The following KMT2C variants were observed in gnomAD, a reference collection of about 807,000 sequenced individuals.
KMT2C encodes the protein lysine methyltransferase 2C.
KMT2C carries 88 observed loss-of-function variants against 507.9 expected under a neutral mutation model. That is an observed-to-expected ratio of 0.17 (90% CI 0.15 to 0.21). The LOEUF (loss-of-function observed/expected upper bound fraction) is 0.21. KMT2C is among the 10% of genes least tolerant of loss of function. The probability of loss-of-function intolerance (pLI) is 1.00; values close to 1 mark genes in which losing one functional copy is unlikely to be tolerated. For missense variants in KMT2C, 4,954 were observed against 5,957.8 expected, an observed-to-expected ratio of 0.83 and a Z score of 5.55; for synonymous variants, 2,049 against 2,080.8, an observed-to-expected ratio of 0.98 and a Z score of 0.42.
chr7:152,157,997 C>T (rs997900708), intron 44 of KMT2C: 22 of 1,090,694 alleles, frequency 2.0e-5, no homozygotes, highest in Non-Finnish European at 2.6e-5. Flanking sequence ...TTCTAAGACC[C>T]GAAGCAACTT....
intron 8 of KMT2C, among the ~76,000 whole-genome samples, chr7:152,264,201 T>C (rs1339092891): frequency 6.6e-6 from 1 of 152,236 alleles, no homozygotes; most frequent in Non-Finnish European, 1.5e-5. Flanking sequence ...GTCCTATTTA[T>C]GTCACGTAAC....
At chr7:152,370,723 T>G (rs1398840033) in intron 1 of KMT2C, among the ~76,000 whole-genome samples, 4 of 152,226 alleles carry the variant, frequency 2.6e-5, no homozygotes, top group African/African-American at 9.6e-5. Context: ...AATCAATCAA[T>G]GTAATCTACC....
chr7:152,267,878 T>C (rs1486863328), intron 7 of KMT2C, among the ~76,000 whole-genome samples: 1 of 152,130 alleles, frequency 6.6e-6, no homozygotes, highest in African/African-American at 2.4e-5. Context: ...TCATGGTGGG[T>C]TGTCTGCCAT....
Position 152,181,118 on chromosome 7 carries a change from C to A in KMT2C, c.6742G>T (p.Asp2248Tyr). The A allele has an allele frequency of 1.2e-6, 2 of 1,614,078 alleles. No individual in the cohort carries two copies. The highest frequency in any genetic ancestry group is 1.7e-6 in the Non-Finnish European group (2 of 1,180,020). The change falls in exon 36 of 59, where the codon GAT (aspartate) becomes TAT (tyrosine). Residue 2248 changes from aspartate (D) to tyrosine (Y), a missense_variant. Around this residue, in one of 29 missense-constraint regions of KMT2C, gnomAD observed 1,689 missense variants for 1,654.3 expected, o/e 1.02. Transcript: ENST00000262189. ...TTTTGTGCTGCTTGCAGGAAAGGAT[C>A]CTGATTTGGCATGAGGACTGGTCTT... Reference protein sequence around the residue: ...MTRPVLMPNQDPFLQAAQNRG... With the variant: ...MTRPVLMPNQYPFLQAAQNRG...
chr7:152,330,694 T>C lies in KMT2C; in HGVS notation c.296A>G (p.Asp99Gly), dbSNP rs1358968676. The C allele has an allele frequency of 3.7e-6, 6 of 1,613,798 alleles. No individual in the cohort carries two copies. The highest frequency in any genetic ancestry group is 1.1e-5 in the South Asian group (1 of 91,076). ...SAEEDAEAEV[D>G]NSKQLIPTLQ... The stretch of plus-strand genomic sequence containing the variant: ...AGTTGGAATTAGCTGTTTGCTGTTA[T>C]CCACTTCTGCTTCAGCATCCTCTTC... Residue 99 changes from aspartate (D) to glycine (G), a missense_variant, in exon 3 of 59, where the codon GAT becomes GGT. Physicochemically the swap from Asp to Gly is moderately conservative, Grantham distance 94. Transcript: ENST00000262189.
intron 1 of KMT2C, among the ~76,000 whole-genome samples, chr7:152,427,937 T>C (rs779665665): frequency 1.3e-5 from 2 of 152,158 alleles, no homozygotes; most frequent in African/African-American, 4.8e-5. Context: ...CAACATTCTA[T>C]GCTTTGGCTT....
intron 6 of KMT2C, among the ~76,000 whole-genome samples, chr7:152,287,155 C>A (rs946226077): frequency 1.3e-5 from 2 of 152,104 alleles, no homozygotes; most frequent in Non-Finnish European, 2.9e-5. Flanking sequence ...AAGTGGGGAG[C>A]CTGAGTTCAA....
intron 1 of KMT2C, among the ~76,000 whole-genome samples, chr7:152,433,827 T>C (rs2097888155): frequency 2.6e-5 from 4 of 152,230 alleles, no homozygotes; most frequent in African/African-American, 7.2e-5. Flanking sequence ...ATTTCAAAAG[T>C]AGGGTGTGTG....
chr7:152,430,638 T>C (rs1590007623), intron 1 of KMT2C, among the ~76,000 whole-genome samples: 1 of 152,102 alleles, frequency 6.6e-6, no homozygotes, highest in Admixed American at 6.6e-5. Context: ...CACACAATCT[T>C]CTCTCAGCTC....
At chr7:152,350,202 AT>A (rs2097098799) in intron 2 of KMT2C, among the ~76,000 whole-genome samples, 1 of 152,202 alleles carries the variant, frequency 6.6e-6, no homozygotes, top group Admixed American at 6.5e-5. Context: ...GTGAGCCGAG[AT>A]TGCACCATTG....
chr7:152,216,896 G>A (rs1288763756), intron 23 of KMT2C, among the ~76,000 whole-genome samples: 2 of 152,204 alleles, frequency 1.3e-5, no homozygotes, highest in Non-Finnish European at 2.9e-5. Flanking sequence ...CACGGTTACT[G>A]AGCACTCCAT....
intron 1 of KMT2C, among the ~76,000 whole-genome samples, chr7:152,376,014 T>A (rs560712689): frequency 5.3e-5 from 8 of 152,144 alleles, no homozygotes; most frequent in African/African-American, 1.9e-4. Flanking sequence ...GGTGTCACCA[T>A]GTTGCTCAGG....
At chr7:152,204,634 GATA>G (rs1475056113) in intron 25 of KMT2C, among the ~76,000 whole-genome samples, 3 of 151,608 alleles carry the variant, frequency 2.0e-5, no homozygotes, top group African/African-American at 4.8e-5. Context: ...TAGATAGATA[GATA>G]GACAGACAGA....
intron 6 of KMT2C, among the ~76,000 whole-genome samples, chr7:152,295,211 C>G (rs2096479364): frequency 6.6e-6 from 1 of 152,130 alleles, no homozygotes; most frequent in Non-Finnish European, 1.5e-5. Flanking sequence ...AGCAGTAATC[C>G]TAAATATGTT....
At chr7:152,420,360 G>A (rs556136520) in intron 1 of KMT2C, among the ~76,000 whole-genome samples, 11 of 152,250 alleles carry the variant, frequency 7.2e-5, no homozygotes, top group South Asian at 2.1e-4. Flanking sequence ...CTTTGTCACC[G>A]TAACATATTC....
rs117573382 is a variant in KMT2C, at chr7:152,144,006, G to T, written c.14343+707C>A. 5.3e-5 allele frequency among the ~76,000 whole-genome samples: 8 copies of T among 152,200 alleles called. No homozygotes were observed. The highest frequency in any genetic ancestry group is 5.2e-4 in the Admixed American group (8 of 15,274). On this transcript the variant is annotated intron_variant, in intron 55 of 58. Coordinates refer to ENST00000262189, the MANE Select transcript of KMT2C (RefSeq NM_170606.3). This position sits in a 1 kb window ranked among gnomAD's most constrained non-coding sequence, Gnocchi z 4.4. ...CTGAGAGAATTTTTAGGAGAAAACA[G>T]AACTCGATGATGCTTTAGGTTTAAT...
At position 152,162,462 on chromosome 7, in the gene KMT2C, G is replaced by C. The variant is rs767792236; in HGVS notation, c.11115C>G (p.Asp3705Glu). 1.2e-6 allele frequency: 2 copies of C among 1,614,114 alleles called. No individual in the cohort carries two copies. The highest frequency in any genetic ancestry group is 2.2e-5 in the East Asian group (1 of 44,904). The change falls in exon 43 of 59, where the codon GAC (aspartate) becomes GAG (glutamate). Residue 3705 changes from aspartate to glutamate, a missense_variant. Physicochemically the swap from Asp to Glu is conservative, Grantham distance 45. This residue lies in a region of KMT2C where 801 missense variants were observed against 751.2 expected (regional missense o/e 1.07). Transcript: ENST00000262189. The part of the protein sequence containing the change: ...NQQTYANSEV[D>E]KLSMETPAKT... ...TGGCAGGGGTTTCCATGGAGAGCTTGTCTACTTCTGAATTTGCATACGTCT... is the reference window on the plus strand; with the variant it reads ...TGGCAGGGGTTTCCATGGAGAGCTTCTCTACTTCTGAATTTGCATACGTCT...
At chr7:152,366,918 G>A (rs1385818187) in intron 1 of KMT2C, 16 of 445,450 alleles carry the variant, frequency 3.6e-5, no homozygotes, top group South Asian at 1.9e-4. Flanking sequence ...GCGAGCCAAC[G>A]GGCCGGCGCC....
intron 1 of KMT2C, among the ~76,000 whole-genome samples, chr7:152,399,927 A>C (rs1226565212): frequency 6.6e-6 from 1 of 152,028 alleles, no homozygotes; most frequent in Non-Finnish European, 1.5e-5. Flanking sequence ...AAAAAAAAAC[A>C]AACAAACAAA....
Sources: allele counts gnomAD v4.1 joint callset (sites outside exome capture counted in the v4.1 genomes callset), GRCh38; gene constraint gnomAD v4.1.1; regional missense constraint gnomAD v4.1.1; non-coding constraint Gnocchi (gnomAD v3.1); transcripts MANE v1.5; gene names NCBI Gene and HGNC (gene_info 2026-07-23, HGNC 2026-07-21).